Variants in KCND2 observed in about 807,000 individuals in gnomAD.
KCND2 encodes A-type voltage-gated potassium channel KCND2.
Under a neutral mutation model 54.4 loss-of-function variants are expected in KCND2, and 16 were observed. The observed-to-expected ratio is 0.29, with a 90% CI of 0.20 to 0.45. The LOEUF is 0.45. Ranked by LOEUF, KCND2 falls within the 20% of genes least tolerant of loss-of-function variation. The pLI is 1.00. For synonymous variants in KCND2, 317 were observed against 310.7 expected, an observed-to-expected ratio of 1.02 and a Z score of -0.21; for missense variants, 486 against 824.2, an observed-to-expected ratio of 0.59 and a Z score of 5.02.
chr7:120,516,409 A>G (rs1298825060), intron 1 of KCND2, among the ~76,000 whole-genome samples: 1 of 152,114 alleles, frequency 6.6e-6, no homozygotes, highest in African/African-American at 2.4e-5. Flanking sequence ...ATTTCTTGAA[A>G]GATTGTTGTT....
intron 1 of KCND2, 21 bp downstream of exon 1, chr7:120,275,768 TG>T: frequency 6.9e-6 from 11 of 1,599,550 alleles, no homozygotes; most frequent in Non-Finnish European, 9.3e-6. Context: ...TAATGGGAAA[TG>T]GGATGGAGGT....
At position 120,735,520 on chromosome 7, in the gene KCND2, G is replaced by A. The variant is rs567716070; in HGVS notation, c.1278+2455G>A. On this transcript the variant is annotated intron_variant, in intron 2 of 5. Transcript: ENST00000331113. ...CGATAAACCAATTTCCCAAACACTTGTATTTCTTCAGAGTTTGTCATCTGC... is the reference window on the plus strand; with the variant it reads ...CGATAAACCAATTTCCCAAACACTTATATTTCTTCAGAGTTTGTCATCTGC... 2.6e-5 allele frequency among the ~76,000 whole-genome samples: 4 copies of A among 152,066 alleles called. No individual in the cohort carries two copies. The East Asian group carries it at 7.7e-4, about 29-fold the overall frequency.
chr7:120,312,073 T>C (rs1342943151), intron 1 of KCND2, among the ~76,000 whole-genome samples: 1 of 152,030 alleles, frequency 6.6e-6, no homozygotes, highest in Non-Finnish European at 1.5e-5. Context: ...CCTGGCTAAT[T>C]TTGTATTTTT....
At chr7:120,348,159 C>A (rs1161558996) in intron 1 of KCND2, among the ~76,000 whole-genome samples, 1 of 152,152 alleles carries the variant, frequency 6.6e-6, no homozygotes, top group Non-Finnish European at 1.5e-5. Context: ...AACAGGGAAT[C>A]ATCAGATACG....
At chr7:120,560,204 A>G (rs1792216409) in intron 1 of KCND2, among the ~76,000 whole-genome samples, 1 of 152,190 alleles carries the variant, frequency 6.6e-6, no homozygotes, top group Non-Finnish European at 1.5e-5. Context: ...GTTTCCACAG[A>G]AAAATATTTT....
intron 1 of KCND2, among the ~76,000 whole-genome samples, chr7:120,393,464 T>C (rs1437081746): frequency 1.3e-5 from 2 of 152,008 alleles, no homozygotes; most frequent in Admixed American, 1.3e-4. Context: ...TCACTTCTCA[T>C]TGTTCTTTAG....
intron 1 of KCND2, among the ~76,000 whole-genome samples, chr7:120,298,212 G>A (rs961342731): frequency 3.9e-5 from 6 of 152,044 alleles, no homozygotes; most frequent in African/African-American, 1.5e-4. Flanking sequence ...CATCAAAAAA[G>A]AGTCTCTCTA....
chr7:120,581,937 C>T (rs1792520721), intron 1 of KCND2, among the ~76,000 whole-genome samples: 1 of 152,086 alleles, frequency 6.6e-6, no homozygotes, highest in African/African-American at 2.4e-5. Flanking sequence ...TGGTCTCAAA[C>T]TCCTGACCTC....
At chr7:120,374,189 T>C (rs1482544191) in intron 1 of KCND2, among the ~76,000 whole-genome samples, 2 of 151,824 alleles carry the variant, frequency 1.3e-5, no homozygotes, top group Non-Finnish European at 2.9e-5. Context: ...TATATTTTGA[T>C]TAAATGTAAT....
intron 1 of KCND2, among the ~76,000 whole-genome samples, chr7:120,556,648 T>G (rs1472306818): frequency 2.6e-5 from 4 of 152,284 alleles, no homozygotes; most frequent in Non-Finnish European, 5.9e-5. Flanking sequence ...TTTACATTTT[T>G]GGGAGGCAGA....
chr7:120,648,903 C>T (rs1334301159), intron 1 of KCND2, among the ~76,000 whole-genome samples: 1 of 152,064 alleles, frequency 6.6e-6, no homozygotes, highest in African/African-American at 2.4e-5. Flanking sequence ...TCTAATTTCT[C>T]AAAAGTTCAT....
chr7:120,464,103 C>G (rs1317152063), intron 1 of KCND2: 1 of 980,926 alleles, frequency 1.0e-6, no homozygotes, highest in Admixed American at 6.3e-5. Flanking sequence ...ACAGGATTGC[C>G]TGGTTTCCCC....
chr7:120,411,734 C>T (rs912175646), intron 1 of KCND2, among the ~76,000 whole-genome samples: 1 of 151,914 alleles, frequency 6.6e-6, no homozygotes, highest in Non-Finnish European at 1.5e-5. Flanking sequence ...TCTTGAGCAT[C>T]ATGTAATCTG....
At chr7:120,335,837 A>G (rs1203924610) in intron 1 of KCND2, among the ~76,000 whole-genome samples, 1 of 152,210 alleles carries the variant, frequency 6.6e-6, no homozygotes, top group Admixed American at 6.5e-5. Flanking sequence ...CAGCAATAGT[A>G]TGGCGATTGC....
intron 1 of KCND2, among the ~76,000 whole-genome samples, chr7:120,432,520 C>T (rs968987213): frequency 5.3e-5 from 8 of 152,168 alleles, no homozygotes; most frequent in Non-Finnish European, 1.2e-4. Flanking sequence ...CACACACACA[C>T]ACACCCCTCA....
rs1176581100 is a variant in KCND2 at position 120,275,517 on chromosome 7, C to T, written c.885C>T (p.Phe295=). Residue 295 remains phenylalanine, a synonymous_variant, in exon 1 of 6, where the codon TTC becomes TTT. Transcript: ENST00000331113. Reference sequence around the variant, plus strand: ...GAGCCTTTGTCACACTCCGAGTCTTCCGGGTCTTCAGGATCTTTAAGTTTT... The same window carrying T: ...GAGCCTTTGTCACACTCCGAGTCTTTCGGGTCTTCAGGATCTTTAAGTTTT... The part of the protein sequence containing the change: ...VSGAFVTLRV[F]RVFRIFKFSR... 3 of 1,612,078 alleles carry T rather than the reference C, an allele frequency of 1.9e-6. No individual in the cohort carries two copies. Among genetic ancestry groups the T allele is most frequent in the African/African-American group, 2.7e-5 (2 of 74,718 alleles).
chr7:120,572,288 G>A (rs1792375782), intron 1 of KCND2, among the ~76,000 whole-genome samples: 1 of 151,940 alleles, frequency 6.6e-6, no homozygotes, highest in South Asian at 2.1e-4. Context: ...AGAAGTGAAT[G>A]TGTAGGTACA....
At chr7:120,466,744 CCT>C (rs1293251334) in intron 1 of KCND2, among the ~76,000 whole-genome samples, 6 of 152,116 alleles carry the variant, frequency 3.9e-5, no homozygotes, top group African/African-American at 1.4e-4. Flanking sequence ...ACACAAATTT[CCT>C]CTGTTACAAT....
chr7:120,452,854 T>G (rs1456508162), intron 1 of KCND2, among the ~76,000 whole-genome samples: 6 of 152,090 alleles, frequency 3.9e-5, no homozygotes, highest in African/African-American at 1.4e-4. Flanking sequence ...CTGTAGGAAC[T>G]AGGTAGAGCA....
Sources: gnomAD v4.1 joint callset for allele counts (sites outside exome capture counted in the v4.1 genomes callset) on GRCh38, gnomAD v4.1.1 for gene constraint, MANE v1.5 for transcripts, NCBI Gene and HGNC (gene_info 2026-07-23, HGNC 2026-07-21) for gene names.